ZFHX3: variants seen among roughly 807,000 people sequenced by gnomAD.
ZFHX3 encodes the protein zinc finger homeobox protein 3.
ZFHX3 carries 42 observed loss-of-function variants against 279.1 expected under a neutral mutation model. The ratio of observed to expected loss-of-function variants is 0.15; its 90% CI spans 0.12 to 0.19. The LOEUF (loss-of-function observed/expected upper bound fraction) is 0.19. Ranked by LOEUF, ZFHX3 falls within the 10% of genes least tolerant of loss-of-function variation. ZFHX3 has a pLI of 1.00. For synonymous variants in ZFHX3, 2,293 were observed against 1,957.8 expected, an observed-to-expected ratio of 1.17 and a Z score of -4.52; for missense variants, 4,981 against 4,754.0, an observed-to-expected ratio of 1.05 and a Z score of -1.40.
chr16:72,788,534 T>C lies in ZFHX3; in HGVS notation c.9742A>G (p.Lys3248Glu). The C allele has an allele frequency of 6.2e-7, 1 of 1,614,130 alleles. No homozygotes were observed. Among genetic ancestry groups the C allele is most frequent in the Non-Finnish European group, 8.5e-7 (1 of 1,180,002 alleles). ...EKVKEKEKAH[K>E]GKGEPLPVPK... ...ACAGGCAGGGGTTCCCCTTTCCCTTTGTGTGCCTTTTCCTTCTCCTTTACT... is the reference window on the plus strand; with the variant it reads ...ACAGGCAGGGGTTCCCCTTTCCCTTCGTGTGCCTTTTCCTTCTCCTTTACT... Residue 3248 changes from lysine to glutamate, a missense_variant, in exon 10 of 10, where the codon AAA becomes GAA. Physicochemically the swap from Lys to Glu is moderately conservative, Grantham distance 56. Coordinates refer to ENST00000268489, the MANE Select transcript of ZFHX3 (RefSeq NM_006885.4).
chr16:73,395,608 G>A (rs1050836853), intron 3 of ZFHX3, among the ~76,000 whole-genome samples: 2 of 152,060 alleles, frequency 1.3e-5, no homozygotes, highest in Non-Finnish European at 2.9e-5. Context: ...CTGGCACATA[G>A]TAGGCTGTTG....
At chr16:73,466,387 G>A (rs1422498461) in intron 2 of ZFHX3, among the ~76,000 whole-genome samples, 1 of 152,178 alleles carries the variant, frequency 6.6e-6, no homozygotes, top group East Asian at 1.9e-4. Flanking sequence ...GGAGACTGAG[G>A]TGGGAGGATC....
chr16:72,995,402 C>T (rs373629270), intron 1 of ZFHX3, among the ~76,000 whole-genome samples: 3 of 152,116 alleles, frequency 2.0e-5, no homozygotes, highest in African/African-American at 7.2e-5. Flanking sequence ...ACTTAATGAG[C>T]TCTTGGAAGG....
At chr16:72,842,578 GA>G (rs2037371775) in intron 4 of ZFHX3, among the ~76,000 whole-genome samples, 1 of 152,180 alleles carries the variant, frequency 6.6e-6, no homozygotes, top group Non-Finnish European at 1.5e-5. Flanking sequence ...CCCATGATTA[GA>G]AAGAATAAAG....
intron 1 of ZFHX3, among the ~76,000 whole-genome samples, chr16:72,976,082 G>A (rs961558911): frequency 1.3e-5 from 2 of 152,154 alleles, no homozygotes; most frequent in Non-Finnish European, 2.9e-5. Flanking sequence ...TAAGTGTCTA[G>A]GATGAAAGAG....
chr16:73,814,742 A>G (rs903871900), intron 1 of ZFHX3, among the ~76,000 whole-genome samples: 1 of 151,846 alleles, frequency 6.6e-6, no homozygotes, highest in African/African-American at 2.4e-5. Context: ...TAATTTTTAT[A>G]TTTTTAGTAA....
chr16:73,246,012 G>C (rs1173475313), intron 5 of ZFHX3, among the ~76,000 whole-genome samples: 1 of 152,136 alleles, frequency 6.6e-6, no homozygotes, highest in African/African-American at 2.4e-5. Context: ...CCACAGGACA[G>C]AGGCCATTCC....
chr16:72,976,630 C>T (rs575697686), intron 1 of ZFHX3, among the ~76,000 whole-genome samples: 3 of 152,208 alleles, frequency 2.0e-5, no homozygotes, highest in Non-Finnish European at 4.4e-5. Flanking sequence ...ACTCAGCACT[C>T]CACGTGGCCA....
chr16:73,618,265 G>A lies in ZFHX3; in HGVS notation c.-1547+61915C>T, dbSNP rs748405324. Among the ~76,000 whole-genome samples, 39 of 152,266 alleles carry A rather than the reference G, an allele frequency of 2.6e-4. No homozygotes were observed. The Middle Eastern group carries it at 0.01, about 40-fold the overall frequency. Reference sequence around the variant, plus strand: ...CATCCTCTGGTGCCCTTAAAAACCCGCTGGTGATTCTCCACCAACTTAAAC... The same window carrying A: ...CATCCTCTGGTGCCCTTAAAAACCCACTGGTGATTCTCCACCAACTTAAAC... On this transcript the variant is annotated intron_variant, in intron 2 of 17. Transcript: ENST00000641206.
intron 5 of ZFHX3, among the ~76,000 whole-genome samples, chr16:73,181,634 T>C (rs550118236): frequency 6.2e-4 from 94 of 152,326 alleles, no homozygotes; most frequent in African/African-American, 2.1e-3. Context: ...CCCTTGACTG[T>C]GAATATACAA....
At chr16:72,961,504 C>T (rs1233293454) in intron 1 of ZFHX3, among the ~76,000 whole-genome samples, 1 of 152,236 alleles carries the variant, frequency 6.6e-6, no homozygotes, top group Non-Finnish European at 1.5e-5. Context: ...CCACCATTCC[C>T]CTGCTGCTCC....
chr16:73,266,195 C>T (rs566765345), intron 4 of ZFHX3, among the ~76,000 whole-genome samples: 2 of 152,208 alleles, frequency 1.3e-5, no homozygotes, highest in African/African-American at 2.4e-5. Context: ...CCGCCTGTAT[C>T]CAGTGGGCAG....
chr16:73,419,028 G>A (rs565795201), intron 3 of ZFHX3, among the ~76,000 whole-genome samples: 34 of 152,188 alleles, frequency 2.2e-4, no homozygotes, highest in Non-Finnish European at 4.9e-4. Context: ...CTCAGCTCTA[G>A]AGTAAACAAA....
chr16:73,585,785 C>T (rs1354694288), intron 2 of ZFHX3, among the ~76,000 whole-genome samples: 3 of 151,916 alleles, frequency 2.0e-5, no homozygotes, highest in Non-Finnish European at 2.9e-5. Context: ...GTAGTAAGTG[C>T]AGTTAAAATG....
At chr16:73,497,743 A>C (rs1457138198) in intron 2 of ZFHX3, among the ~76,000 whole-genome samples, 1 of 152,210 alleles carries the variant, frequency 6.6e-6, no homozygotes, top group Non-Finnish European at 1.5e-5. Context: ...ATGGGACCAA[A>C]GGTTGAAACG....
intron 1 of ZFHX3, among the ~76,000 whole-genome samples, chr16:73,879,867 G>A (rs2030086000): frequency 6.6e-6 from 1 of 152,020 alleles, no homozygotes; most frequent in African/African-American, 2.4e-5. Context: ...AAGGTCTCCA[G>A]ACATTGTTAG....
intron 1 of ZFHX3, chr16:73,016,136 C>CT (rs1210157649): frequency 6.6e-6 from 1 of 152,266 alleles, no homozygotes; most frequent in Non-Finnish European, 1.5e-5. Context: ...CTCTTTCAAT[C>CT]ACAAGCCAGA....
At chr16:73,797,385 C>T (rs905129787) in intron 1 of ZFHX3, among the ~76,000 whole-genome samples, 9 of 152,170 alleles carry the variant, frequency 5.9e-5, no homozygotes, top group Admixed American at 3.9e-4. Flanking sequence ...GGGCCAGAGC[C>T]CTCATGAACC....
chr16:72,972,831 C>T lies in ZFHX3; in HGVS notation c.-49-12637G>A, dbSNP rs537627250. 2.0e-5 allele frequency among the ~76,000 whole-genome samples: 3 copies of T among 152,294 alleles called. No homozygotes were observed. The South Asian group carries it at 6.2e-4, about 32-fold the overall frequency. On this transcript the variant is annotated intron_variant, in intron 1 of 9. Coordinates refer to ENST00000268489, the MANE Select transcript of ZFHX3 (RefSeq NM_006885.4). The stretch of plus-strand genomic sequence containing the variant: ...CCTCCTCCCACCTCTGTCATCTCTA[C>T]ATTGCCTGTCCTCTCCCCATTCCTA...
Sources: gnomAD v4.1 joint callset for allele counts (sites outside exome capture counted in the v4.1 genomes callset) on GRCh38, gnomAD v4.1.1 for gene constraint, MANE v1.5 for transcripts, NCBI Gene and HGNC (gene_info 2026-07-23, HGNC 2026-07-21) for gene names.